The following ZFAND3 variants were observed in gnomAD, a reference collection of about 807,000 sequenced individuals.
The protein encoded by ZFAND3 is zinc finger AN1-type containing 3.
ZFAND3 carries 10 observed loss-of-function variants against 29.6 expected under a neutral mutation model. That is an observed-to-expected ratio of 0.34 (90% confidence interval 0.21 to 0.57). The LOEUF is 0.57. Ranked by LOEUF, ZFAND3 falls within the 20% of genes least tolerant of loss-of-function variation. ZFAND3 has a pLI of 0.86. For synonymous variants in ZFAND3, 128 were observed against 112.6 expected (o/e 1.14, Z -0.87); for missense variants, 230 against 304.5 (o/e 0.76, Z 1.82).
At position 38,060,519 on chromosome 6, in the gene ZFAND3, CT is replaced by C. The variant is rs147102164; in HGVS notation, c.113-1071del. 6.6e-3 allele frequency among the ~76,000 whole-genome samples: 996 copies of C among 151,274 alleles called. 27 individuals are homozygous for C. The East Asian group carries it at 0.07, about 11-fold the overall frequency. On this transcript the variant is annotated intron_variant, in intron 2 of 5. Coordinates refer to ENST00000287218, the MANE Select transcript of ZFAND3 (RefSeq NM_021943.3). The stretch of plus-strand genomic sequence containing the variant: ...TGTCCTCCCTTCCCCTTGCCCTGCC[CT>C]TTCCCCTTCCCTTTCCCCCTCTTTC...
intron 2 of ZFAND3, among the ~76,000 whole-genome samples, chr6:38,020,452 C>A (rs1288405006): frequency 6.6e-6 from 1 of 152,038 alleles, no homozygotes; most frequent in African/African-American, 2.4e-5. Context: ...TTTGTATTAA[C>A]AAACAAGTCT....
intron 2 of ZFAND3, among the ~76,000 whole-genome samples, chr6:37,985,527 A>ACACAGCCCCC (rs753070737): frequency 7.1e-6 from 1 of 141,656 alleles, no homozygotes; most frequent in Non-Finnish European, 1.6e-5. Flanking sequence ...ACACACACAC[A>ACACAGCCCCC]CCCCCACACA....
chr6:37,946,160 A>G (rs1400709489), intron 2 of ZFAND3, among the ~76,000 whole-genome samples: 1 of 152,168 alleles, frequency 6.6e-6, no homozygotes, highest in Non-Finnish European at 1.5e-5. Context: ...AAAAGCATAC[A>G]AGTCTGTTTT....
At chr6:38,129,985 A>G (rs557224825) in intron 5 of ZFAND3, among the ~76,000 whole-genome samples, 4 of 152,190 alleles carry the variant, frequency 2.6e-5, no homozygotes, top group Admixed American at 2.0e-4. Context: ...TATGTTGTCT[A>G]TGATTTCTTT....
At chr6:38,020,305 TCTTC>T (rs1321926305) in intron 2 of ZFAND3, among the ~76,000 whole-genome samples, 1 of 152,256 alleles carries the variant, frequency 6.6e-6, no homozygotes, top group Non-Finnish European at 1.5e-5. Context: ...ACATTAGTTT[TCTTC>T]CTTCATCTGA....
chr6:37,979,502 A>T (rs1017261463), intron 2 of ZFAND3, among the ~76,000 whole-genome samples: 1 of 152,182 alleles, frequency 6.6e-6, no homozygotes, highest in African/African-American at 2.4e-5. Context: ...GTGTGTGTTT[A>T]AAAGTGGGTT....
intron 5 of ZFAND3, among the ~76,000 whole-genome samples, chr6:38,138,574 C>G (rs776076491): frequency 5.9e-5 from 9 of 152,202 alleles, no homozygotes; most frequent in Non-Finnish European, 1.0e-4. Flanking sequence ...CCTTTCTCTT[C>G]CATCAGTATG....
At chr6:38,108,717 CCCATT>C (rs1765256616) in intron 4 of ZFAND3, among the ~76,000 whole-genome samples, 1 of 152,218 alleles carries the variant, frequency 6.6e-6, no homozygotes, top group Non-Finnish European at 1.5e-5. Context: ...ATCTTCCTCT[CCCATT>C]CCACCAACTT....
At chr6:37,961,172 C>T (rs1392263562) in intron 2 of ZFAND3, among the ~76,000 whole-genome samples, 1 of 152,160 alleles carries the variant, frequency 6.6e-6, no homozygotes, top group African/African-American at 2.4e-5. Context: ...AGACAGGAGC[C>T]CACTCCCTTG....
chr6:38,143,302 T>C (rs1766001645), intron 5 of ZFAND3: 1 of 152,234 alleles, frequency 6.6e-6, no homozygotes, highest in African/African-American at 2.4e-5. Flanking sequence ...ATGGCATGTG[T>C]ACAAACTGCA....
intron 1 of ZFAND3, among the ~76,000 whole-genome samples, chr6:37,864,886 A>G (rs1028046598): frequency 1.3e-5 from 2 of 152,292 alleles, no homozygotes; most frequent in Admixed American, 1.3e-4. Flanking sequence ...CCTGATGTAA[A>G]TAGCTTAATA....
chr6:37,985,529 C>CACACCCA (rs33984396), intron 2 of ZFAND3, among the ~76,000 whole-genome samples: 1 of 89,700 alleles, frequency 1.1e-5, no homozygotes, highest in Admixed American at 1.1e-4. Context: ...ACACACACAC[C>CACACCCA]CCCACACACG....
rs11356169 is a variant in ZFAND3 at position 37,958,453 on chromosome 6, CAAAA to C, written c.112+28472_112+28475del. ...TTAGTGACAGAACAAGACTCGGTCT[CAAAA>C]AAAAAAAAAAAAAAAAATTCTCATT... On this transcript the variant is annotated intron_variant, in intron 2 of 5. Coordinates refer to ENST00000287218, the MANE Select transcript of ZFAND3 (RefSeq NM_021943.3). 0.026 allele frequency among the ~76,000 whole-genome samples: 2,938 copies of C among 114,716 alleles called. 221 individuals carry two copies. The East Asian group carries it at 0.33, about 13-fold the overall frequency. 75.3% of individuals were successfully genotyped at this position (114,716 alleles called of 152,430 possible).
chr6:37,880,218 T>G (rs1764866572), intron 1 of ZFAND3, among the ~76,000 whole-genome samples: 1 of 152,226 alleles, frequency 6.6e-6, no homozygotes, highest in Non-Finnish European at 1.5e-5. Context: ...CAAAACTGTA[T>G]TAACAGCTTT....
intron 1 of ZFAND3, among the ~76,000 whole-genome samples, chr6:37,908,129 TC>T (rs1179479593): frequency 6.6e-6 from 1 of 152,172 alleles, no homozygotes; most frequent in Non-Finnish European, 1.5e-5. Flanking sequence ...CTAGAATGGT[TC>T]CCCTTCTTTT....
intron 5 of ZFAND3, among the ~76,000 whole-genome samples, chr6:38,144,190 T>C (rs1562015724): frequency 2.4e-5 from 1 of 41,174 alleles, no homozygotes; most frequent in African/African-American, 1.3e-4. Flanking sequence ...ATATAATATA[T>C]ATATATATAT....
At chr6:37,839,753 T>C (rs1409946704) in intron 1 of ZFAND3, among the ~76,000 whole-genome samples, 1 of 151,900 alleles carries the variant, frequency 6.6e-6, no homozygotes, top group African/African-American at 2.4e-5. Flanking sequence ...GACCTCGTGA[T>C]CCACCTGCCT....
Position 37,856,010 on chromosome 6 carries a change from G to T in ZFAND3, c.71+35994G>T, listed in dbSNP as rs532172768. Among the ~76,000 whole-genome samples the T allele has an allele frequency of 3.5e-3, 513 of 145,650 alleles. 4 individuals carry two copies. The highest frequency in any genetic ancestry group is 0.011 in the African/African-American group (445 of 39,876). On this transcript the variant is annotated intron_variant, in intron 1 of 5. Transcript: ENST00000287218. The stretch of plus-strand genomic sequence containing the variant: ...ACATAAAACCTTGGTGGTAGTTCTG[G>T]TTTTTTTTTTTTCTTCTTCTTTTTT...
chr6:37,852,020 A>G (rs1764290799), intron 1 of ZFAND3, among the ~76,000 whole-genome samples: 2 of 152,240 alleles, frequency 1.3e-5, no homozygotes. Flanking sequence ...GTTGTTAGCC[A>G]TTCTAATTAT....
Sources: gnomAD v4.1 joint callset for allele counts (sites outside exome capture counted in the v4.1 genomes callset) on GRCh38, gnomAD v4.1.1 for gene constraint, MANE v1.5 for transcripts, NCBI Gene and HGNC (gene_info 2026-07-23, HGNC 2026-07-21) for gene names.